The following MECOM variants were observed in gnomAD, a reference collection of about 807,000 sequenced individuals.
MECOM encodes MDS1 and EVI1 complex locus.
A neutral mutation model predicts 116.3 loss-of-function variants in MECOM; 13 were observed. The ratio of observed to expected loss-of-function variants is 0.11; its 90% CI spans 0.07 to 0.18. The LOEUF is 0.18. Among genes scored for constraint, MECOM ranks in the 10% least tolerant of loss-of-function variants. The probability of loss-of-function intolerance (pLI) is 1.00; values close to 1 mark genes in which losing one functional copy is unlikely to be tolerated. For missense variants in MECOM, 1,299 were observed against 1,509.0 expected (o/e 0.86, Z 2.31); for synonymous variants, 528 against 535.2 (o/e 0.99, Z 0.19).
At chr3:169,552,852 C>T (rs1353519474) in intron 1 of MECOM, among the ~76,000 whole-genome samples, 2 of 148,238 alleles carry the variant, frequency 1.3e-5, no homozygotes, top group African/African-American at 5.2e-5. Context: ...TCCCTAAGTC[C>T]CCAGTCACTT....
chr3:169,190,717 T>C (rs1747410826), intron 2 of MECOM, among the ~76,000 whole-genome samples: 1 of 152,056 alleles, frequency 6.6e-6, no homozygotes, highest in African/African-American at 2.4e-5. Flanking sequence ...ATCTTAATCA[T>C]GGTGTCTCAT....
At chr3:169,650,785 A>C (rs1774799035) in intron 1 of MECOM, among the ~76,000 whole-genome samples, 2 of 151,888 alleles carry the variant, frequency 1.3e-5, no homozygotes, top group Non-Finnish European at 1.5e-5. Flanking sequence ...TTACTTTCAT[A>C]TTCCTTTGGG....
intron 14 of MECOM, among the ~76,000 whole-genome samples, chr3:169,092,445 T>C (rs1422582029): frequency 6.6e-6 from 1 of 151,898 alleles, no homozygotes; most frequent in African/African-American, 2.4e-5. Flanking sequence ...AATATACATA[T>C]ATGTATTTAT....
chr3:169,384,206 A>G (rs1732925266), intron 1 of MECOM, among the ~76,000 whole-genome samples: 1 of 152,168 alleles, frequency 6.6e-6, no homozygotes, highest in Non-Finnish European at 1.5e-5. Flanking sequence ...AATTAATCTA[A>G]CATATAATTT....
chr3:169,421,569 G>C (rs1416926807), intron 1 of MECOM, among the ~76,000 whole-genome samples: 1 of 151,666 alleles, frequency 6.6e-6, no homozygotes, highest in Non-Finnish European at 1.5e-5. Flanking sequence ...GCTTTCCTTT[G>C]ATCTCTTTCT....
chr3:169,656,914 G>C (rs942946568), intron 1 of MECOM, among the ~76,000 whole-genome samples: 3 of 152,194 alleles, frequency 2.0e-5, no homozygotes, highest in African/African-American at 7.2e-5. Context: ...TAAAAATGCT[G>C]TATGGATGTT....
intron 2 of MECOM, among the ~76,000 whole-genome samples, chr3:169,325,714 C>T (rs1345051752): frequency 1.3e-5 from 2 of 152,206 alleles, no homozygotes; most frequent in African/African-American, 4.8e-5. Flanking sequence ...AAGTCTGCTG[C>T]TCCTTTCAGC....
chr3:169,086,840 T>C (rs1307501973), intron 16 of MECOM, among the ~76,000 whole-genome samples: 1 of 152,200 alleles, frequency 6.6e-6, no homozygotes, highest in Admixed American at 6.5e-5. Context: ...ATGAATGCTT[T>C]GACTAAAGCA....
chr3:169,375,089 C>T (rs1446945584), intron 2 of MECOM, among the ~76,000 whole-genome samples: 1 of 151,838 alleles, frequency 6.6e-6, no homozygotes, highest in Admixed American at 6.6e-5. Context: ...AAGAAGCAAA[C>T]TTGAGGAATG....
chr3:169,273,484 C>A (rs1007355003), intron 2 of MECOM, among the ~76,000 whole-genome samples: 1 of 152,130 alleles, frequency 6.6e-6, no homozygotes, highest in African/African-American at 2.4e-5. Context: ...GGAATTCAAC[C>A]TCCCCCATCA....
intron 2 of MECOM, among the ~76,000 whole-genome samples, chr3:169,372,626 A>G (rs1478250555): frequency 6.6e-6 from 1 of 151,984 alleles, no homozygotes; most frequent in East Asian, 1.9e-4. Flanking sequence ...TCAATCGATA[A>G]AATATAATAA....
At chr3:169,307,215 C>G (rs1253469963) in intron 2 of MECOM, among the ~76,000 whole-genome samples, 1 of 152,076 alleles carries the variant, frequency 6.6e-6, no homozygotes, top group Non-Finnish European at 1.5e-5. Context: ...TTTAATAATC[C>G]CCTTTGCAAT....
At chr3:169,262,524 C>T (rs147932424) in intron 2 of MECOM, among the ~76,000 whole-genome samples, 176 of 152,212 alleles carry the variant, frequency 1.2e-3, no homozygotes, top group South Asian at 1.7e-3. Context: ...AGTCGTGGGA[C>T]GGAATTTGAC....
intron 1 of MECOM, among the ~76,000 whole-genome samples, chr3:169,572,430 T>C (rs1207358966): frequency 6.6e-6 from 1 of 152,234 alleles, no homozygotes; most frequent in African/African-American, 2.4e-5. Flanking sequence ...AAACACAGTG[T>C]GGCGATTCCT....
At chr3:169,515,765 G>C (rs12488402) in intron 1 of MECOM, among the ~76,000 whole-genome samples, 4,104 of 152,254 alleles carry the variant, frequency 0.027, 179 homozygotes, top group African/African-American at 0.095. Context: ...ATACTACAGA[G>C]GGAAGCATCT....
intron 3 of MECOM, among the ~76,000 whole-genome samples, chr3:169,135,802 A>G (rs986926770): frequency 2.0e-5 from 3 of 151,880 alleles, no homozygotes; most frequent in Non-Finnish European, 4.4e-5. Context: ...GGATACCTCA[A>G]TTTATAAGGA....
intron 9 of MECOM, 48 bp downstream of exon 9, chr3:169,112,739 T>G: frequency 2.1e-6 from 3 of 1,412,754 alleles, no homozygotes; most frequent in African/African-American, 2.8e-5. Context: ...CTTTTCAGGA[T>G]CAACAAGTTA....
intron 1 of MECOM, among the ~76,000 whole-genome samples, chr3:169,519,903 C>T (rs1757150281): frequency 6.6e-6 from 1 of 152,260 alleles, no homozygotes; most frequent in African/African-American, 2.4e-5. Context: ...TCCTGTCTCA[C>T]CCCAGACTAC....
intron 1 of MECOM, among the ~76,000 whole-genome samples, chr3:169,502,461 A>G (rs777193159): frequency 2.6e-5 from 4 of 152,026 alleles, no homozygotes; most frequent in Non-Finnish European, 5.9e-5. Context: ...AACCTATTCT[A>G]ATAAATTTTC....
Sources: allele counts gnomAD v4.1 joint callset (sites outside exome capture counted in the v4.1 genomes callset), GRCh38; gene constraint gnomAD v4.1.1; transcripts MANE v1.5; gene names NCBI Gene and HGNC (gene_info 2026-07-23, HGNC 2026-07-21).